The following ADGRG6 variants were observed in gnomAD, a reference collection of about 807,000 sequenced individuals.
The protein encoded by ADGRG6 is adhesion G protein-coupled receptor G6.
Under a neutral mutation model 142.4 loss-of-function variants are expected in ADGRG6, and 84 were observed. That is an observed-to-expected ratio of 0.59 (90% CI 0.49 to 0.71). The LOEUF is 0.71. ADGRG6 is among the 30% of genes least tolerant of loss of function. The pLI is 0.00. For synonymous variants in ADGRG6, 521 were observed against 520.5 expected (o/e 1.00, Z -0.01); for missense variants, 1,367 against 1,466.6 (o/e 0.93, Z 1.11).
At chr6:142,405,891 A>G in intron 15 of ADGRG6, 63 bp downstream of exon 15, 1 of 1,214,500 alleles carries the variant, frequency 8.2e-7, no homozygotes, top group Non-Finnish European at 1.1e-6. Context: ...AGCAAAGAAA[A>G]CAAAACTTTA....
At position 142,370,141 on chromosome 6, in the gene ADGRG6, T is replaced by C. The variant is rs1349020124; in HGVS notation, c.446-29T>C. 4 of 1,560,654 alleles carry C rather than the reference T, an allele frequency of 2.6e-6. No individual in the cohort carries two copies. The East Asian group carries it at 6.8e-5, about 27-fold the overall frequency. ...TAGTCTGTGTTCTGAAGTTAACAGG[T>C]TTATCTTTCTTGTTATGTTTTGTCC... On this transcript the variant is annotated intron_variant, in intron 3 of 24. Transcript: ENST00000367609.
Position 142,381,958 on chromosome 6 carries a change from C to G in ADGRG6, c.1077C>G (p.Tyr359Ter), listed in dbSNP as rs1191249830. 1.9e-6 allele frequency: 3 copies of G among 1,597,204 alleles called. No individual in the cohort carries two copies. The highest frequency in any genetic ancestry group is 1.7e-6 in the Non-Finnish European group (2 of 1,168,630). The part of the protein sequence containing the change: ...KAESNLSCGS[Y>*]LIPLPAAELA... ...CTTTTTGTGTTGATCAAGGTTCCTA[C>G]CTGATCCCGCTCCCAGCAGCAGAAC... is the stretch of plus-strand genomic sequence containing the variant. Residue 359 changes from tyrosine (Y) to a stop codon, truncating the protein, a stop_gained, in exon 5 of 25, where the codon TAC (tyrosine) becomes TAG (stop). Coordinates refer to ENST00000367609, the MANE Select transcript of ADGRG6 (RefSeq NM_198569.3). LOFTEE classifies it high-confidence loss of function.
intron 19 of ADGRG6, 151 bp from the exon 20 acceptor site, chr6:142,415,645 T>C: frequency 1.7e-6 from 1 of 599,556 alleles, no homozygotes. Flanking sequence ...ATAAATATCC[T>C]TAGCCCCTCC....
In ADGRG6 at chr6:142,410,639, G is replaced by T. The variant is rs979025169; in HGVS notation, c.2435-666G>T. ...AGGGCAAAAACTTCTTTTTTTGATA[G>T]TTCTTGTCACAGCAAGACAGGAGTT... is the stretch of plus-strand genomic sequence containing the variant. On this transcript the variant is annotated intron_variant, in intron 17 of 24. Transcript: ENST00000367609. 3.9e-5 allele frequency among the ~76,000 whole-genome samples: 6 copies of T among 152,160 alleles called. No individual in the cohort carries two copies. The South Asian group carries it at 8.3e-4, about 21-fold the overall frequency.
At chr6:142,389,051 G>C (rs1782172113) in intron 6 of ADGRG6, among the ~76,000 whole-genome samples, 1 of 151,976 alleles carries the variant, frequency 6.6e-6, no homozygotes, top group Non-Finnish European at 1.5e-5. Context: ...AAGAATTTTA[G>C]AAGTTGAAAT....
At chr6:142,396,166 A>T (rs6900087) in intron 9 of ADGRG6, among the ~76,000 whole-genome samples, 31,408 of 152,148 alleles carry the variant, frequency 0.21, 3,325 homozygotes, top group African/African-American at 0.25. Flanking sequence ...AAAAGGTCAC[A>T]TTCCCAGCTG....
chr6:142,327,012 A>G (rs1778811140), intron 2 of ADGRG6, among the ~76,000 whole-genome samples: 1 of 152,104 alleles, frequency 6.6e-6, no homozygotes, highest in Non-Finnish European at 1.5e-5. Context: ...AATCATGGGT[A>G]TTGTGAAAGT....
rs144606728 is a variant in ADGRG6 at position 142,335,648 on chromosome 6, G to C, written c.103+26004G>C. On this transcript the variant is annotated intron_variant, in intron 2 of 24. Transcript: ENST00000367609. Reference sequence around the variant, plus strand: ...CCGATTTGGAAGTTATTTACACAGAGGATGAATCTGCAATCATGAAGTCTG... The same window carrying C: ...CCGATTTGGAAGTTATTTACACAGACGATGAATCTGCAATCATGAAGTCTG... Among the ~76,000 whole-genome samples the C allele has an allele frequency of 1.3e-3, 205 of 152,228 alleles. 2 individuals are homozygous for C. The highest frequency in any genetic ancestry group is 4.6e-3 in the African/African-American group (191 of 41,518).
intron 1 of ADGRG6, among the ~76,000 whole-genome samples, chr6:142,305,429 T>TACACACACAC (rs5880531): frequency 0.011 from 1,291 of 120,784 alleles, 38 homozygotes; most frequent in African/African-American, 0.039. Context: ...GCCCCTCCTG[T>TACACACACAC]ACACACACAC....
intron 14 of ADGRG6, chr6:142,404,243 G>C (rs555041560): frequency 7.4e-6 from 3 of 403,224 alleles, no homozygotes; most frequent in Non-Finnish European, 4.4e-6. Flanking sequence ...ACCATACTTG[G>C]GGTGAGCATC....
intron 1 of ADGRG6, chr6:142,302,611 G>A (rs1354462586): frequency 2.3e-6 from 1 of 436,342 alleles, no homozygotes; most frequent in African/African-American, 2.0e-5. Context: ...GAAGGGCAGG[G>A]CTTCAAGAAT....
rs751403591 is a variant in ADGRG6, at chr6:142,402,093, A to G, written c.1744+35A>G. 7.1e-6 allele frequency: 7 copies of G among 981,548 alleles called. No individual in the cohort carries two copies. The South Asian group carries it at 1.0e-4, about 14-fold the overall frequency. 60.8% of individuals were successfully genotyped at this position (981,548 alleles called of 1,614,324 possible). ...CAGTTTTCCTTTATTTCTCAAGGAC[A>G]AAATGACATGACTTCATGCTTCATG... On this transcript the variant is annotated intron_variant, in intron 12 of 24. Transcript: ENST00000367609.
chr6:142,382,044 G>A, intron 5 of ADGRG6, 25 bp downstream of exon 5: 1 of 1,437,256 alleles, frequency 7.0e-7, no homozygotes, highest in Non-Finnish European at 9.7e-7. Flanking sequence ...CCGTGCTCTG[G>A]AATCTCTTTG....
At chr6:142,332,772 G>A (rs556701813) in intron 2 of ADGRG6, among the ~76,000 whole-genome samples, 2 of 152,126 alleles carry the variant, frequency 1.3e-5, no homozygotes, top group Admixed American at 1.3e-4. Flanking sequence ...AATACCCTTC[G>A]GCCTTCATCC....
At chr6:142,406,068 T>A (rs1221343292) in intron 15 of ADGRG6, among the ~76,000 whole-genome samples, 1 of 152,194 alleles carries the variant, frequency 6.6e-6, no homozygotes, top group East Asian at 1.9e-4. Flanking sequence ...AAGGCTTGCA[T>A]TAAACAATTA....
chr6:142,428,997 T>C (rs1777087603), intron 22 of ADGRG6, among the ~76,000 whole-genome samples: 1 of 152,208 alleles, frequency 6.6e-6, no homozygotes, highest in Non-Finnish European at 1.5e-5. Context: ...AAAACAGGCA[T>C]ATCACTGTAT....
At chr6:142,362,441 G>A (rs2114832602) in intron 2 of ADGRG6, among the ~76,000 whole-genome samples, 1 of 152,250 alleles carries the variant, frequency 6.6e-6, no homozygotes, top group East Asian at 1.9e-4. Flanking sequence ...CAGAAGTTCT[G>A]GTAGGGGATT....
intron 2 of ADGRG6, among the ~76,000 whole-genome samples, chr6:142,355,778 C>T (rs958179306): frequency 6.6e-6 from 1 of 152,142 alleles, no homozygotes; most frequent in Admixed American, 6.5e-5. Context: ...CTTACTCACC[C>T]ACCGAGAACA....
chr6:142,321,914 C>T (rs1389971523), intron 2 of ADGRG6, among the ~76,000 whole-genome samples: 1 of 152,166 alleles, frequency 6.6e-6, no homozygotes, highest in East Asian at 1.9e-4. Flanking sequence ...CATAATTTCA[C>T]TGCTCCCAAA....
Sources: gnomAD v4.1 joint callset for allele counts (sites outside exome capture counted in the v4.1 genomes callset) on GRCh38, gnomAD v4.1.1 for gene constraint, MANE v1.5 for transcripts, NCBI Gene and HGNC (gene_info 2026-07-23, HGNC 2026-07-21) for gene names.